Variants in PDIA4 observed in about 807,000 individuals in gnomAD.
PDIA4 encodes the protein protein disulfide isomerase family A member 4.
In PDIA4, 33 loss-of-function variants were observed where a neutral mutation model predicts 62.1. The ratio of observed to expected loss-of-function variants is 0.53; its 90% CI spans 0.40 to 0.71. PDIA4 has a LOEUF of 0.71. PDIA4 is among the 30% of genes least tolerant of loss of function. The pLI is 0.00. For synonymous variants in PDIA4, 341 were observed against 324.1 expected (o/e 1.05, Z -0.56); for missense variants, 804 against 813.6 (o/e 0.99, Z 0.14).
At chr7:149,019,283 G>C in intron 2 of PDIA4, 86 bp from the exon 3 acceptor site, 1 of 974,028 alleles carries the variant, frequency 1.0e-6, no homozygotes. Flanking sequence ...CTTTGGTTTG[G>C]ATGTGGTTTG....
At chr7:149,026,316 C>T (rs992954462) in intron 1 of PDIA4, among the ~76,000 whole-genome samples, 1 of 152,042 alleles carries the variant, frequency 6.6e-6, no homozygotes, top group Non-Finnish European at 1.5e-5. Context: ...TGAGGCCAGC[C>T]TGGGCAACAT....
intron 6 of PDIA4, 141 bp from the exon 7 acceptor site, chr7:149,008,451 A>G: frequency 1.2e-6 from 1 of 805,030 alleles, no homozygotes; most frequent in South Asian, 1.7e-5. Flanking sequence ...CTGTAATCCC[A>G]GCACACTTTG....
At chr7:149,018,439 A>G (rs928944837) in intron 3 of PDIA4, among the ~76,000 whole-genome samples, 52 of 149,598 alleles carry the variant, frequency 3.5e-4, no homozygotes, top group East Asian at 7.9e-4. Context: ...ACTCCTGTTT[A>G]TTTATTTTTT....
At chr7:149,015,529 G>C (rs1025308269) in intron 3 of PDIA4, among the ~76,000 whole-genome samples, 1 of 150,330 alleles carries the variant, frequency 6.7e-6, no homozygotes. Flanking sequence ...TTTAAAAGAG[G>C]AGCAGTAGCT....
intron 3 of PDIA4, among the ~76,000 whole-genome samples, 160 bp downstream of exon 3, chr7:149,018,832 A>G (rs1235377602): frequency 7.2e-5 from 1 of 13,920 alleles, no homozygotes; most frequent in African/African-American, 3.0e-4. Flanking sequence ...CCCCCCTCCT[A>G]CCCCCCCACC....
intron 1 of PDIA4, among the ~76,000 whole-genome samples, chr7:149,024,675 G>A (rs1824476265): frequency 6.6e-6 from 1 of 151,814 alleles, no homozygotes; most frequent in Admixed American, 6.6e-5. Flanking sequence ...AGTTAGCCAG[G>A]CATGGTGGCA....
At chr7:149,007,799 G>A (rs899858385) in intron 7 of PDIA4, among the ~76,000 whole-genome samples, 1 of 152,264 alleles carries the variant, frequency 6.6e-6, no homozygotes, top group Non-Finnish European at 1.5e-5. Flanking sequence ...GGCCTCAACG[G>A]AGCACCATGT....
At chr7:149,022,004 T>C (rs1469351176) in intron 1 of PDIA4, among the ~76,000 whole-genome samples, 4 of 152,198 alleles carry the variant, frequency 2.6e-5, no homozygotes. Flanking sequence ...CCTGTATGCT[T>C]TCCACAGGCA....
chr7:149,026,892 A>G (rs1416429233), intron 1 of PDIA4, among the ~76,000 whole-genome samples: 1 of 151,890 alleles, frequency 6.6e-6, no homozygotes, highest in African/African-American at 2.4e-5. Context: ...CCTAGGAGCA[A>G]CTGCTTCCCA....
chr7:149,018,195 C>T (rs1372817154), intron 3 of PDIA4, among the ~76,000 whole-genome samples: 1 of 151,870 alleles, frequency 6.6e-6, no homozygotes. Flanking sequence ...TGCCACTGCA[C>T]TCCAGCCTGG....
intron 3 of PDIA4, 152 bp from the exon 4 acceptor site, chr7:149,015,194 T>G: frequency 2.1e-5 from 15 of 731,564 alleles, no homozygotes; most frequent in Non-Finnish European, 2.9e-5. Flanking sequence ...GCTGCATCTC[T>G]GCAGTTTTGG....
chr7:149,006,974 T>A (rs1823779726), intron 7 of PDIA4, among the ~76,000 whole-genome samples: 1 of 152,100 alleles, frequency 6.6e-6, no homozygotes, highest in Non-Finnish European at 1.5e-5. Context: ...GAATATGCAC[T>A]CACACACAGA....
intron 6 of PDIA4, among the ~76,000 whole-genome samples, chr7:149,011,379 T>C (rs1212034738): frequency 2.0e-5 from 3 of 152,230 alleles, no homozygotes. Context: ...GCATTTATAA[T>C]ACACTTAGCA....
chr7:149,019,170 C>T lies in PDIA4; in HGVS notation c.297G>A (p.Pro99=), dbSNP rs780450970. The change falls in exon 3 of 10, where the codon CCG becomes CCA. Residue 99 remains proline (P), a synonymous_variant. Transcript: ENST00000652332. ...PWCGHCKQFA[P]EYEKIANILK... ...ATATGTTGGCAATTTTTTCATATTC[C>T]GGAGCAAACTGCTTGCAATGTCCAC... 9.3e-6 allele frequency: 15 copies of T among 1,613,596 alleles called. No homozygotes were observed. The highest frequency in any genetic ancestry group is 2.2e-5 in the East Asian group (1 of 44,870).
intron 8 of PDIA4, 22 bp downstream of exon 8, chr7:149,005,875 G>T: frequency 6.7e-7 from 1 of 1,481,578 alleles, no homozygotes; most frequent in Non-Finnish European, 8.9e-7. Context: ...CACCCCCGCA[G>T]GTCTTGGTGG....
rs961324508 is a variant in PDIA4 at position 149,005,389 on chromosome 7, G to C, written c.1289-15C>G. On this transcript the variant is annotated splice_polypyrimidine_tract_variant and intron_variant, in intron 8 of 9. Transcript: ENST00000652332. ...AAACTGAGTTGCTGAAAGGGACCAAGGGCCATAAGCCAGGCGGCCACACAG... is the reference window on the plus strand; with the variant it reads ...AAACTGAGTTGCTGAAAGGGACCAACGGCCATAAGCCAGGCGGCCACACAG... 6.3e-7 allele frequency: 1 copy of C among 1,583,476 alleles called. No individual in the cohort carries two copies. The highest frequency in any genetic ancestry group is 2.2e-5 in the East Asian group (1 of 44,704).
intron 1 of PDIA4, among the ~76,000 whole-genome samples, chr7:149,024,688 C>T (rs1367849560): frequency 6.6e-6 from 1 of 151,456 alleles, no homozygotes; most frequent in Non-Finnish European, 1.5e-5. Context: ...TGGTGGCACA[C>T]ACCTGTAATC....
chr7:149,018,929 T>C, intron 3 of PDIA4, 63 bp downstream of exon 3: 1 of 1,275,514 alleles, frequency 7.8e-7, no homozygotes, highest in Non-Finnish European at 1.1e-6. Flanking sequence ...CTTCCTCTAT[T>C]AGCCAAATTC....
At position 149,028,018 on chromosome 7, in the gene PDIA4, C is replaced by A. The variant is rs1448768884; in HGVS notation, c.88+303G>T. On this transcript the variant is annotated intron_variant, in intron 1 of 9. Transcript: ENST00000652332. Reference sequence around the variant, plus strand: ...CTGTAAATTAAGGCGAAGGACCCAGCTGCAAAAAAGGCGCTCTGCAGCCCT... The same window carrying A: ...CTGTAAATTAAGGCGAAGGACCCAGATGCAAAAAAGGCGCTCTGCAGCCCT... 29 of 596,432 alleles carry A rather than the reference C, an allele frequency of 4.9e-5. No individual in the cohort carries two copies. The East Asian group carries it at 9.5e-4, about 19-fold the overall frequency. The allele number at this position is 596,432 out of a possible 1,614,324, so 36.9% of individuals were successfully genotyped here.
Sources: gnomAD v4.1 joint callset for allele counts (sites outside exome capture counted in the v4.1 genomes callset) on GRCh38, gnomAD v4.1.1 for gene constraint, MANE v1.5 for transcripts, NCBI Gene and HGNC (gene_info 2026-07-23, HGNC 2026-07-21) for gene names.